EPHB1: variants seen among roughly 807,000 people sequenced by gnomAD.
EPHB1 encodes EPH receptor B1.
In EPHB1, 30 loss-of-function variants were observed where a neutral mutation model predicts 94.4. The ratio of observed to expected loss-of-function variants is 0.32; its 90% CI spans 0.24 to 0.43. EPHB1 has a LOEUF of 0.43. Among genes scored for constraint, EPHB1 ranks in the 20% least tolerant of loss-of-function variants. EPHB1 has a pLI of 1.00. For missense variants in EPHB1, 1,055 were observed against 1,308.3 expected (o/e 0.81, Z 2.99); for synonymous variants, 522 against 489.1 (o/e 1.07, Z -0.89).
intron 4 of EPHB1, among the ~76,000 whole-genome samples, chr3:135,127,454 C>A (rs1408685447): frequency 6.6e-6 from 1 of 152,108 alleles, no homozygotes; most frequent in Non-Finnish European, 1.5e-5. Flanking sequence ...CACCATCACC[C>A]AATGGGGAGG....
At chr3:135,204,125 A>T (rs1040655108) in intron 12 of EPHB1, among the ~76,000 whole-genome samples, 1 of 152,182 alleles carries the variant, frequency 6.6e-6, no homozygotes, top group Admixed American at 6.5e-5. Context: ...TGGGGTATTC[A>T]TTCTCTCAAG....
intron 9 of EPHB1, among the ~76,000 whole-genome samples, chr3:135,176,968 C>A (rs1941997190): frequency 1.3e-5 from 2 of 152,150 alleles, no homozygotes; most frequent in African/African-American, 4.8e-5. Context: ...CCCCCACTGC[C>A]CACCCTCCGC....
chr3:135,029,320 G>A (rs1389914972), intron 3 of EPHB1, among the ~76,000 whole-genome samples: 1 of 152,004 alleles, frequency 6.6e-6, no homozygotes, highest in Non-Finnish European at 1.5e-5. Context: ...TCCTAGTCTG[G>A]ATGGTCTTTA....
At chr3:134,847,406 C>T (rs1336963050) in intron 1 of EPHB1, among the ~76,000 whole-genome samples, 1 of 152,216 alleles carries the variant, frequency 6.6e-6, no homozygotes, top group African/African-American at 2.4e-5. Flanking sequence ...GTTTACTCCT[C>T]TGTAAAATGT....
At chr3:135,248,626 TG>T in intron 14 of EPHB1, 117 bp downstream of exon 14, 1 of 1,028,110 alleles carries the variant, frequency 9.7e-7, no homozygotes, top group Non-Finnish European at 1.4e-6. Flanking sequence ...AGTTGCAGTG[TG>T]GGCCTTATGT....
intron 6 of EPHB1, among the ~76,000 whole-genome samples, chr3:135,158,639 T>C (rs904587605): frequency 1.3e-5 from 2 of 152,196 alleles, no homozygotes; most frequent in South Asian, 2.1e-4. Flanking sequence ...AGCTCATTAA[T>C]AGAGAGCTCA....
intron 12 of EPHB1, among the ~76,000 whole-genome samples, chr3:135,213,674 A>G (rs2107717004): frequency 6.6e-6 from 1 of 152,312 alleles, no homozygotes; most frequent in Non-Finnish European, 1.5e-5. Flanking sequence ...GGATCCCACA[A>G]ATCTCTGGAT....
At chr3:134,984,829 G>C (rs537685882) in intron 3 of EPHB1, among the ~76,000 whole-genome samples, 1 of 152,166 alleles carries the variant, frequency 6.6e-6, no homozygotes, top group Non-Finnish European at 1.5e-5. Flanking sequence ...AACTGAGTGC[G>C]GGGGCTAGGG....
intron 1 of EPHB1, among the ~76,000 whole-genome samples, chr3:134,910,154 G>A (rs1684988528): frequency 6.6e-6 from 1 of 152,196 alleles, no homozygotes; most frequent in African/African-American, 2.4e-5. Flanking sequence ...TGATGTGGAA[G>A]TTATCTAGTC....
At chr3:134,938,846 G>C (rs1031422539) in intron 2 of EPHB1, among the ~76,000 whole-genome samples, 1 of 152,138 alleles carries the variant, frequency 6.6e-6, no homozygotes, top group Non-Finnish European at 1.5e-5. Flanking sequence ...TCGAGGCTCA[G>C]AGAAGTTTAA....
At chr3:135,050,861 G>A (rs1937149298) in intron 3 of EPHB1, among the ~76,000 whole-genome samples, 1 of 151,950 alleles carries the variant, frequency 6.6e-6, no homozygotes, top group Non-Finnish European at 1.5e-5. Flanking sequence ...GCAGATTGCA[G>A]TACCATGCTT....
intron 12 of EPHB1, among the ~76,000 whole-genome samples, chr3:135,217,789 T>A (rs1038904674): frequency 3.9e-5 from 6 of 152,120 alleles, no homozygotes; most frequent in Admixed American, 3.9e-4. Flanking sequence ...TCCAAGATAA[T>A]CCTTTCTGCA....
intron 9 of EPHB1, 138 bp from the exon 10 acceptor site, chr3:135,179,722 G>A (rs1942100417): frequency 5.5e-6 from 5 of 911,596 alleles, no homozygotes; most frequent in Non-Finnish European, 8.5e-6. Flanking sequence ...GCAAGAGGAG[G>A]AGAGGCAGAG....
chr3:135,011,567 G>A (rs1439061854), intron 3 of EPHB1, among the ~76,000 whole-genome samples: 1 of 152,192 alleles, frequency 6.6e-6, no homozygotes, highest in Non-Finnish European at 1.5e-5. Context: ...TGAGGCTGCT[G>A]CTCTGCCTGC....
At chr3:134,974,926 T>TTCTC (rs1234349974) in intron 3 of EPHB1, among the ~76,000 whole-genome samples, 1 of 152,144 alleles carries the variant, frequency 6.6e-6, no homozygotes, top group Non-Finnish European at 1.5e-5. Flanking sequence ...CCCTTCTTCC[T>TTCTC]TCTCTGCTCT....
chr3:135,127,931 A>G (rs1940269937), intron 4 of EPHB1, among the ~76,000 whole-genome samples: 2 of 151,528 alleles, frequency 1.3e-5, no homozygotes, highest in African/African-American at 2.4e-5. Context: ...GACCAACCAC[A>G]CTCCCTCCTC....
chr3:135,172,785 G>A (rs982726177), intron 9 of EPHB1, among the ~76,000 whole-genome samples: 3 of 152,204 alleles, frequency 2.0e-5, no homozygotes, highest in South Asian at 2.1e-4. Flanking sequence ...AGTTTACAGC[G>A]GGGGCTTATT....
chr3:134,882,039 G>A (rs1466724970), intron 1 of EPHB1, among the ~76,000 whole-genome samples: 1 of 152,124 alleles, frequency 6.6e-6, no homozygotes, highest in Non-Finnish European at 1.5e-5. Context: ...TGTAATCAGA[G>A]GCAAGCTAAT....
chr3:134,968,102 G>A, intron 3 of EPHB1, among the ~76,000 whole-genome samples: 1 of 152,234 alleles, frequency 6.6e-6, no homozygotes. Flanking sequence ...CTGGCAGCTT[G>A]AGTTGTTGAA....
Sources: allele counts gnomAD v4.1 joint callset (sites outside exome capture counted in the v4.1 genomes callset), GRCh38; gene constraint gnomAD v4.1.1; transcripts MANE v1.5; gene names NCBI Gene and HGNC (gene_info 2026-07-23, HGNC 2026-07-21).